The following METTL24 variants were observed in gnomAD, a reference collection of about 807,000 sequenced individuals.
The protein encoded by METTL24 is methyltransferase like 24.
In METTL24, 29 loss-of-function variants were observed where a neutral mutation model predicts 32.7. The ratio of observed to expected loss-of-function variants is 0.89; its 90% CI spans 0.66 to 1.21. The LOEUF is 1.21. Among genes scored for constraint, METTL24 ranks in the 50% most tolerant of loss-of-function variants. The pLI is 0.00. For missense variants in METTL24, 439 were observed against 468.1 expected (o/e 0.94, Z 0.57); for synonymous variants, 163 against 179.5 (o/e 0.91, Z 0.73).
chr6:110,250,076 G>C (rs1778249386), intron 4 of METTL24, among the ~76,000 whole-genome samples: 1 of 151,964 alleles, frequency 6.6e-6, no homozygotes, highest in Non-Finnish European at 1.5e-5. Context: ...CATCCACCCA[G>C]AACTGCAGAG....
rs1195740747 is a variant in METTL24 at position 110,295,013 on chromosome 6, C to CTTTTTTTTTTTTTTTTTTTT, written c.786+3889_786+3908dup. Among the ~76,000 whole-genome samples the CTTTTTTTTTTTTTTTTTTTT allele has an allele frequency of 3.1e-4, 24 of 78,144 alleles. 1 individual carries two copies. The highest frequency in any genetic ancestry group is 8.7e-4 in the African/African-American group (16 of 18,314). 51.3% of individuals were successfully genotyped at this position (78,144 alleles called of 152,430 possible). A position where few individuals can be genotyped will look rare whatever the true frequency, so the allele number is the denominator to read the frequency against. On this transcript the variant is annotated intron_variant, in intron 4 of 4. Coordinates refer to ENST00000338882, the MANE Select transcript of METTL24 (RefSeq NM_001123364.3). ...ATTGCTTTTCTTTTTTTCTTTCTTT[C>CTTTTTTTTTTTTTTTTTTTT]TTTTTTTTTTTTTTTTTTTTTTTTT...
In METTL24 at chr6:110,259,023, A is replaced by G. The variant is rs533839412; in HGVS notation, c.787-12763T>C. Among the ~76,000 whole-genome samples the G allele has an allele frequency of 2.0e-5, 3 of 152,260 alleles. No individual in the cohort carries two copies. The South Asian group carries it at 6.2e-4, about 32-fold the overall frequency. Reference sequence around the variant, plus strand: ...CCCTTGATAGGAAAAGCTCCAGTCTACAGCTCCCAGAGTGAGCGATGCAGA... The same window carrying G: ...CCCTTGATAGGAAAAGCTCCAGTCTGCAGCTCCCAGAGTGAGCGATGCAGA... On this transcript the variant is annotated intron_variant, in intron 4 of 4. Transcript: ENST00000338882.
intron 4 of METTL24, among the ~76,000 whole-genome samples, chr6:110,275,723 T>C (rs1771035744): frequency 6.6e-6 from 1 of 152,212 alleles, no homozygotes; most frequent in Non-Finnish European, 1.5e-5. Context: ...TAAATAATTC[T>C]CAGTATTATC....
intron 4 of METTL24, among the ~76,000 whole-genome samples, chr6:110,281,796 C>T (rs973318521): frequency 6.6e-6 from 1 of 151,008 alleles, no homozygotes; most frequent in Non-Finnish European, 1.5e-5. Flanking sequence ...CTTGATATGT[C>T]CCCAAAAGCA....
chr6:110,347,732 T>C (rs543293369), intron 1 of METTL24, among the ~76,000 whole-genome samples: 4 of 152,286 alleles, frequency 2.6e-5, no homozygotes, highest in African/African-American at 2.4e-5. Context: ...ATACTGTCAA[T>C]CCTACTATGG....
intron 4 of METTL24, among the ~76,000 whole-genome samples, chr6:110,265,904 T>TCC (rs1283840668): frequency 6.6e-6 from 1 of 151,494 alleles, no homozygotes; most frequent in African/African-American, 2.4e-5. Flanking sequence ...CTCCTCCTCT[T>TCC]TCTTCTTCTT....
Position 110,264,413 on chromosome 6 carries a change from C to T in METTL24, c.787-18153G>A, listed in dbSNP as rs558218557. 1.9e-3 allele frequency among the ~76,000 whole-genome samples: 286 copies of T among 152,158 alleles called. 1 individual carries two copies. The highest frequency in any genetic ancestry group is 6.6e-3 in the African/African-American group (275 of 41,494). On this transcript the variant is annotated intron_variant, in intron 4 of 4. Coordinates refer to ENST00000338882, the MANE Select transcript of METTL24 (RefSeq NM_001123364.3). ...CCATCAGAGAAATGCAAATCAAAAC[C>T]ACAATGAGATATCATCTCACACCAG...
intron 1 of METTL24, among the ~76,000 whole-genome samples, chr6:110,326,774 A>C (rs1171160234): frequency 6.6e-6 from 1 of 152,180 alleles, no homozygotes; most frequent in African/African-American, 2.4e-5. Context: ...ATCCTATTAC[A>C]TACTCCACCC....
intron 3 of METTL24, among the ~76,000 whole-genome samples, chr6:110,301,317 T>C (rs1218138351): frequency 1.3e-5 from 2 of 152,202 alleles, no homozygotes; most frequent in African/African-American, 4.8e-5. Context: ...TGATCTAATC[T>C]GGTGTGGCAG....
intron 1 of METTL24, among the ~76,000 whole-genome samples, chr6:110,356,023 G>T (rs1413443105): frequency 1.3e-5 from 2 of 152,222 alleles, no homozygotes; most frequent in Non-Finnish European, 2.9e-5. Flanking sequence ...TTACTTGACA[G>T]ATGACAGCAG....
At chr6:110,265,952 G>T (rs889954576) in intron 4 of METTL24, among the ~76,000 whole-genome samples, 2 of 149,700 alleles carry the variant, frequency 1.3e-5, no homozygotes, top group Non-Finnish European at 3.0e-5. Context: ...CCAGGCTGGA[G>T]TGTGGTGGTA....
intron 1 of METTL24, among the ~76,000 whole-genome samples, chr6:110,327,825 T>C (rs1425379061): frequency 6.6e-6 from 1 of 152,182 alleles, no homozygotes; most frequent in African/African-American, 2.4e-5. Flanking sequence ...TTTTAATCAT[T>C]GTGATTTTAC....
rs1478775969 is a variant in METTL24, at chr6:110,244,109, GA to G, written c.*1836del. ...TTGAAAAACTGTCTAACTATCCTACGAAAGTGAGACGATGGTCTTCAGGCCA... is the reference window on the plus strand; with the variant it reads ...TTGAAAAACTGTCTAACTATCCTACGAAGTGAGACGATGGTCTTCAGGCCA... On this transcript the variant is annotated 3_prime_UTR_variant, in exon 5 of 5. Transcript: ENST00000338882. Among the ~76,000 whole-genome samples, 1 of 152,122 alleles carries G rather than the reference GA, an allele frequency of 6.6e-6. No homozygotes were observed. Among genetic ancestry groups the G allele is most frequent in the African/African-American group, 2.4e-5 (1 of 41,430 alleles).
chr6:110,327,329 C>T (rs1291661717), intron 1 of METTL24, among the ~76,000 whole-genome samples: 2 of 152,154 alleles, frequency 1.3e-5, no homozygotes, highest in African/African-American at 4.8e-5. Context: ...ATTTAGAATC[C>T]ATATGGTAAA....
rs143440145 is a variant in METTL24, at chr6:110,351,033, G to T, written c.318+6922C>A. Among the ~76,000 whole-genome samples, 12 of 151,958 alleles carry T rather than the reference G, an allele frequency of 7.9e-5. No individual in the cohort carries two copies. In the East Asian group the frequency reaches 2.3e-3, roughly 29 times the overall value. On this transcript the variant is annotated intron_variant, in intron 1 of 4. Coordinates refer to ENST00000338882, the MANE Select transcript of METTL24 (RefSeq NM_001123364.3). ...TGAGGCAGGAGAATCACTTGAACCCGGGAGGCGGAGGTTGCAGTGAGCCGA... is the reference window on the plus strand; with the variant it reads ...TGAGGCAGGAGAATCACTTGAACCCTGGAGGCGGAGGTTGCAGTGAGCCGA...
intron 4 of METTL24, among the ~76,000 whole-genome samples, chr6:110,293,501 T>C (rs1771357200): frequency 6.6e-6 from 1 of 152,006 alleles, no homozygotes; most frequent in South Asian, 2.1e-4. Flanking sequence ...TAGTATACCA[T>C]CATATTGTCT....
chr6:110,262,126 C>T (rs1323335736), intron 4 of METTL24, among the ~76,000 whole-genome samples: 1 of 152,062 alleles, frequency 6.6e-6, no homozygotes, highest in Non-Finnish European at 1.5e-5. Context: ...CAGAGCAGAA[C>T]TGAAGGAGAT....
chr6:110,269,900 A>G (rs1019959176), intron 4 of METTL24, among the ~76,000 whole-genome samples: 3 of 152,158 alleles, frequency 2.0e-5, no homozygotes, highest in Non-Finnish European at 2.9e-5. Flanking sequence ...CCTGATTGAG[A>G]TTTCTCCTCT....
chr6:110,276,694 C>T (rs996576382), intron 4 of METTL24, among the ~76,000 whole-genome samples: 1 of 152,162 alleles, frequency 6.6e-6, no homozygotes, highest in African/African-American at 2.4e-5. Context: ...GACCTCCCCC[C>T]ATTTCTGAAA....
Sources: allele counts gnomAD v4.1 joint callset (sites outside exome capture counted in the v4.1 genomes callset), GRCh38; gene constraint gnomAD v4.1.1; transcripts MANE v1.5; gene names NCBI Gene and HGNC (gene_info 2026-07-23, HGNC 2026-07-21).